CDK8: variants seen among roughly 807,000 people sequenced by gnomAD.
CDK8 encodes the protein cyclin dependent kinase 8, also known as cyclin-dependent kinase 8.
Under a neutral mutation model 71.5 loss-of-function variants are expected in CDK8, and 29 were observed. The observed-to-expected ratio is 0.41, with a 90% CI of 0.30 to 0.55. The LOEUF is 0.55. Among genes scored for constraint, CDK8 ranks in the 20% least tolerant of loss-of-function variants. The pLI is 0.37. For synonymous variants in CDK8, 161 were observed against 192.1 expected, an observed-to-expected ratio of 0.84 and a Z score of 1.34; for missense variants, 288 against 572.6, an observed-to-expected ratio of 0.50 and a Z score of 5.07.
intron 1 of CDK8, among the ~76,000 whole-genome samples, chr13:26,263,354 C>T (rs1170436143): frequency 6.6e-6 from 1 of 152,208 alleles, no homozygotes; most frequent in African/African-American, 2.4e-5. Flanking sequence ...CCAAGATGGT[C>T]TCGATCTCCT....
chr13:26,404,099 T>C lies in CDK8; in HGVS notation c.*18T>C. Reference sequence around the variant, plus strand: ...GGTACTGAGCTGCATCGGAATCTTGTCCATGCACTGTTGCGAATGCTGCAG... The same window carrying C: ...GGTACTGAGCTGCATCGGAATCTTGCCCATGCACTGTTGCGAATGCTGCAG... On this transcript the variant is annotated 3_prime_UTR_variant, in exon 13 of 13. Coordinates refer to ENST00000381527, the MANE Select transcript of CDK8 (RefSeq NM_001260.3). 6.2e-7 allele frequency: 1 copy of C among 1,613,326 alleles called. No homozygotes were observed. Among genetic ancestry groups the C allele is most frequent in the Non-Finnish European group, 8.5e-7 (1 of 1,179,622 alleles).
intron 10 of CDK8, 115 bp downstream of exon 10, chr13:26,400,665 T>C: frequency 1.4e-6 from 1 of 702,614 alleles, no homozygotes; most frequent in Non-Finnish European, 2.5e-6. Flanking sequence ...AAGGAAATCC[T>C]TTATGACAAG....
chr13:26,271,806 CTTTTTTTT>C lies in CDK8; in HGVS notation c.128+17066_128+17073del, dbSNP rs58160694. ...CCTGGGGGACAGAGTGAGACCCTGT[CTTTTTTTT>C]TTTTTTTTTTTTTTTTTTTTTTTTT... On this transcript the variant is annotated intron_variant, in intron 1 of 12. Transcript: ENST00000381527. Among the ~76,000 whole-genome samples the C allele has an allele frequency of 5.3e-3, 334 of 62,666 alleles. 15 individuals carry two copies. Among genetic ancestry groups the C allele is most frequent in the African/African-American group, 0.026 (298 of 11,548 alleles). 41.1% of individuals were successfully genotyped at this position (62,666 alleles called of 152,430 possible).
At position 26,404,468 on chromosome 13, in the gene CDK8, A is replaced by G. The variant is rs1479444870; in HGVS notation, c.*387A>G. 1 of 260,520 alleles carries G rather than the reference A, an allele frequency of 3.8e-6. No individual in the cohort carries two copies. The highest frequency in any genetic ancestry group is 7.5e-6 in the Non-Finnish European group (1 of 134,030). The allele number at this position is 260,520 out of a possible 1,614,324, so 16.1% of individuals were successfully genotyped here. On this transcript the variant is annotated 3_prime_UTR_variant, in exon 13 of 13. Coordinates refer to ENST00000381527, the MANE Select transcript of CDK8 (RefSeq NM_001260.3). ...AGTGTAACAACATTATCTGACCAAT[A>G]GTACACACACAGACACAAAGTTTAA...
At chr13:26,316,581 A>G (rs1026362032) in intron 1 of CDK8, among the ~76,000 whole-genome samples, 14 of 152,192 alleles carry the variant, frequency 9.2e-5, no homozygotes, top group Admixed American at 3.9e-4. Flanking sequence ...GCTCATGCCC[A>G]GGGAAAGGTA....
At chr13:26,328,861 C>T (rs764715198) in intron 1 of CDK8, among the ~76,000 whole-genome samples, 1 of 152,158 alleles carries the variant, frequency 6.6e-6, no homozygotes, top group African/African-American at 2.4e-5. Context: ...GCCCCTCTCT[C>T]ACTTTGTCTC....
intron 4 of CDK8, among the ~76,000 whole-genome samples, chr13:26,379,347 A>G (rs994215651): frequency 2.0e-5 from 3 of 152,182 alleles, no homozygotes; most frequent in Admixed American, 1.3e-4. Flanking sequence ...GTAATTTTTT[A>G]ATTATTAACT....
chr13:26,371,034 A>G lies in CDK8; in HGVS notation c.457-11780A>G, dbSNP rs17083939. On this transcript the variant is annotated intron_variant, in intron 4 of 12. Transcript: ENST00000381527. ...CAATTAGGGGCATCTCATGGGTGGT[A>G]TAGAAAGTCCCGCAAGATGAACTTC... 6.1e-3 allele frequency among the ~76,000 whole-genome samples: 927 copies of G among 152,214 alleles called. 34 individuals carry two copies. Among genetic ancestry groups the G allele is most frequent in the Admixed American group, 0.051 (785 of 15,282 alleles).
chr13:26,256,262 T>G (rs1283249059), intron 1 of CDK8, among the ~76,000 whole-genome samples: 1 of 152,228 alleles, frequency 6.6e-6, no homozygotes, highest in Admixed American at 6.5e-5. Flanking sequence ...CTAATTAGAC[T>G]TATTGTTGAA....
chr13:26,265,687 A>G (rs1345128734), intron 1 of CDK8, among the ~76,000 whole-genome samples: 2 of 152,146 alleles, frequency 1.3e-5, no homozygotes, highest in Admixed American at 1.3e-4. Context: ...GACATGAAGG[A>G]AAGATGGTAT....
chr13:26,296,973 C>T (rs1431297182), intron 1 of CDK8, among the ~76,000 whole-genome samples: 1 of 152,118 alleles, frequency 6.6e-6, no homozygotes, highest in Non-Finnish European at 1.5e-5. Context: ...AAGGACTAAC[C>T]AAGGACTAGG....
intron 1 of CDK8, among the ~76,000 whole-genome samples, chr13:26,264,415 G>A (rs1457788503): frequency 1.3e-5 from 2 of 152,014 alleles, no homozygotes; most frequent in African/African-American, 2.4e-5. Flanking sequence ...CCTCCCAAGT[G>A]GGTGGGACTA....
chr13:26,312,893 T>G (rs1056528338), intron 1 of CDK8, among the ~76,000 whole-genome samples: 1 of 152,242 alleles, frequency 6.6e-6, no homozygotes, highest in Non-Finnish European at 1.5e-5. Flanking sequence ...GTTTAATAGC[T>G]TCAGATGTCA....
At chr13:26,376,410 A>G (rs1036252541) in intron 4 of CDK8, among the ~76,000 whole-genome samples, 1 of 152,190 alleles carries the variant, frequency 6.6e-6, no homozygotes, top group Non-Finnish European at 1.5e-5. Context: ...AAACTGTTAT[A>G]AAATTTTACA....
At chr13:26,306,622 CT>C (rs554661537) in intron 1 of CDK8, among the ~76,000 whole-genome samples, 3,550 of 126,696 alleles carry the variant, frequency 0.028, 93 homozygotes, top group African/African-American at 0.068. Context: ...CCTTATTGCT[CT>C]TTTTTTTTTT....
intron 12 of CDK8, among the ~76,000 whole-genome samples, chr13:26,403,417 C>T (rs919381781): frequency 2.0e-4 from 31 of 152,114 alleles, no homozygotes; most frequent in African/African-American, 6.0e-4. Context: ...TATACCATTA[C>T]ACTCCAGCCT....
chr13:26,291,625 A>G (rs556756132), intron 1 of CDK8, among the ~76,000 whole-genome samples: 6 of 152,278 alleles, frequency 3.9e-5, no homozygotes, highest in Admixed American at 2.6e-4. Flanking sequence ...GGACTTTCAG[A>G]TCTTGGATAT....
At chr13:26,354,004 A>G (rs947437709) in intron 4 of CDK8, 124 bp downstream of exon 4, 2 of 781,890 alleles carry the variant, frequency 2.6e-6, no homozygotes, top group East Asian at 5.2e-5. Flanking sequence ...TGAGAATGCT[A>G]CCTTCTCAAA....
chr13:26,283,870 C>T (rs1872878599), intron 1 of CDK8, among the ~76,000 whole-genome samples: 1 of 149,642 alleles, frequency 6.7e-6, no homozygotes, highest in Admixed American at 6.6e-5. Flanking sequence ...TGCACTGCAG[C>T]CTGGCGACAG....
Sources: gnomAD v4.1 joint callset for allele counts (sites outside exome capture counted in the v4.1 genomes callset) on GRCh38, gnomAD v4.1.1 for gene constraint, MANE v1.5 for transcripts, NCBI Gene and HGNC (gene_info 2026-07-23, HGNC 2026-07-21) for gene names.